Variants in ADRA1B observed in about 807,000 individuals in gnomAD.
ADRA1B encodes alpha-1B adrenergic receptor.
ADRA1B carries 17 observed loss-of-function variants against 17.9 expected under a neutral mutation model. The ratio of observed to expected loss-of-function variants is 0.95; its 90% CI spans 0.65 to 1.42. ADRA1B has a LOEUF of 1.42. Ranked by LOEUF, ADRA1B falls within the 40% of genes most tolerant of loss-of-function variation. The pLI, the probability that ADRA1B is intolerant of heterozygous loss-of-function variation, is 0.00. For missense variants in ADRA1B, 681 were observed against 722.1 expected, an observed-to-expected ratio of 0.94 and a Z score of 0.65; for synonymous variants, 366 against 327.6, an observed-to-expected ratio of 1.12 and a Z score of -1.27.
chr5:159,865,456 A>C (rs1753641691), intron 1 of ADRA1B, among the ~76,000 whole-genome samples: 1 of 152,138 alleles, frequency 6.6e-6, no homozygotes, highest in African/African-American at 2.4e-5. Flanking sequence ...GAAAAGCGTA[A>C]CTCGCATGGT....
At chr5:159,962,688 T>TTTTTA (rs1755693242) in intron 1 of ADRA1B, among the ~76,000 whole-genome samples, 1 of 124,110 alleles carries the variant, frequency 8.1e-6, no homozygotes, top group Admixed American at 8.1e-5. Context: ...TTTTTTTTTT[T>TTTTTA]GAGACAAGGT....
chr5:159,947,672 G>A, intron 1 of ADRA1B: 1 of 983,346 alleles, frequency 1.0e-6, no homozygotes, highest in Non-Finnish European at 1.2e-6. Flanking sequence ...ACCTGGCTAT[G>A]ACTTTGCTTC....
At chr5:159,955,724 A>G (rs1755539887) in intron 1 of ADRA1B, among the ~76,000 whole-genome samples, 1 of 152,110 alleles carries the variant, frequency 6.6e-6, no homozygotes, top group Non-Finnish European at 1.5e-5. Flanking sequence ...TCTACCTCTA[A>G]AAGCTGAACA....
intron 1 of ADRA1B, among the ~76,000 whole-genome samples, chr5:159,872,947 C>T (rs1295324908): frequency 6.6e-6 from 1 of 151,010 alleles, no homozygotes; most frequent in Non-Finnish European, 1.5e-5. Context: ...CCAAACAGGC[C>T]CCAGTGTGTG....
intron 1 of ADRA1B, among the ~76,000 whole-genome samples, chr5:159,945,374 A>G (rs1219950752): frequency 6.6e-6 from 1 of 152,196 alleles, no homozygotes; most frequent in African/African-American, 2.4e-5. Flanking sequence ...ATAAATAAAA[A>G]TAAGGAAAGA....
At chr5:159,910,811 G>A (rs1754219567) in intron 1 of ADRA1B, among the ~76,000 whole-genome samples, 1 of 152,192 alleles carries the variant, frequency 6.6e-6, no homozygotes, top group Admixed American at 6.5e-5. Context: ...CTGACTTGTG[G>A]CAGTGCAGCC....
chr5:159,885,261 G>C (rs979636586), intron 1 of ADRA1B, among the ~76,000 whole-genome samples: 1 of 152,164 alleles, frequency 6.6e-6, no homozygotes, highest in African/African-American at 2.4e-5. Context: ...ATTTTTGTCA[G>C]ATGCCTAGCC....
chr5:159,976,716 C>T (rs575484073), downstream of ADRA1B, among the ~76,000 whole-genome samples: 2 of 150,736 alleles, frequency 1.3e-5, no homozygotes, highest in Middle Eastern at 3.5e-3. Context: ...TCAGTCCAAA[C>T]TAAAAATAAC....
chr5:159,908,371 G>C (rs1475088882), intron 1 of ADRA1B, among the ~76,000 whole-genome samples: 2 of 152,148 alleles, frequency 1.3e-5, no homozygotes, highest in Non-Finnish European at 1.5e-5. Flanking sequence ...GTTGAAATTC[G>C]ATCCCCCAGT....
the ADRA1B span, among the ~76,000 whole-genome samples, chr5:159,984,664 G>A: frequency 3.9e-5 from 6 of 151,966 alleles, no homozygotes; most frequent in African/African-American, 7.2e-5. Flanking sequence ...TTGAGAGGCC[G>A]AGGTGGGTGG....
chr5:159,970,556 C>T (rs1227469899), intron 1 of ADRA1B, among the ~76,000 whole-genome samples: 2 of 152,178 alleles, frequency 1.3e-5, no homozygotes, highest in African/African-American at 4.8e-5. Flanking sequence ...TATATGAACC[C>T]TTATGGACTT....
intron 1 of ADRA1B, among the ~76,000 whole-genome samples, chr5:159,909,936 C>A (rs1251218634): frequency 6.6e-6 from 1 of 152,160 alleles, no homozygotes; most frequent in African/African-American, 2.4e-5. Flanking sequence ...ACAGCTGCAT[C>A]CACAGCTTGC....
intron 1 of ADRA1B, among the ~76,000 whole-genome samples, chr5:159,909,864 A>T (rs1367215230): frequency 6.6e-6 from 1 of 152,246 alleles, no homozygotes; most frequent in Non-Finnish European, 1.5e-5. Flanking sequence ...CCTGCCAAGG[A>T]CTTGGCACTT....
intron 1 of ADRA1B, among the ~76,000 whole-genome samples, chr5:159,896,516 T>C (rs1581023262): frequency 6.6e-6 from 1 of 152,276 alleles, no homozygotes; most frequent in Non-Finnish European, 1.5e-5. Flanking sequence ...CTGAGTCAAA[T>C]GAAAGGTGTG....
At chr5:159,964,418 T>C (rs1160399676) in intron 1 of ADRA1B, among the ~76,000 whole-genome samples, 1 of 152,218 alleles carries the variant, frequency 6.6e-6, no homozygotes, top group Non-Finnish European at 1.5e-5. Flanking sequence ...TCTTATTTTC[T>C]CCACCATGAT....
intron 1 of ADRA1B, among the ~76,000 whole-genome samples, chr5:159,923,864 A>G (rs1016602319): frequency 1.4e-4 from 21 of 152,384 alleles, no homozygotes; most frequent in South Asian, 8.3e-4. Flanking sequence ...CCAGCACCAC[A>G]CAAGTCCTCC....
chr5:159,957,929 C>CAAAAAAAAAAAAAAAAA (rs35956137), intron 1 of ADRA1B, among the ~76,000 whole-genome samples: 146 of 66,680 alleles, frequency 2.2e-3, no homozygotes, highest in African/African-American at 2.3e-3. Context: ...AACCCCATCT[C>CAAAAAAAAAAAAAAAAA]AAAAAAAAAA....
At chr5:159,935,332 A>G (rs1427852695) in intron 1 of ADRA1B, among the ~76,000 whole-genome samples, 5 of 152,180 alleles carry the variant, frequency 3.3e-5, no homozygotes, top group Non-Finnish European at 7.3e-5. Context: ...GATTTGTGAT[A>G]TTTCAGTCAT....
In ADRA1B at chr5:159,917,767, A is replaced by T. The variant is rs1236671520; in HGVS notation, c.862A>T (p.Arg288Trp). 1 of 1,614,014 alleles carries T rather than the reference A, an allele frequency of 6.2e-7. No homozygotes were observed. Among genetic ancestry groups the T allele is most frequent in the Non-Finnish European group, 8.5e-7 (1 of 1,180,042 alleles). The change falls in exon 1 of 2, where the codon AGG (arginine) becomes TGG (tryptophan). Residue 288 changes from arginine (R) to tryptophan (W), a missense_variant. Arg to Trp is a moderately radical substitution (Grantham distance 101). Coordinates refer to ENST00000306675, the MANE Select transcript of ADRA1B (RefSeq NM_000679.4). ...AGCTGTCAAACTTTTTAAGTTCTCC[A>T]GGGAAAAGAAAGCAGCTAAGACGTT... ...SIAVKLFKFS[R>W]EKKAAKTLGI...
Sources: allele counts gnomAD v4.1 joint callset (sites outside exome capture counted in the v4.1 genomes callset), GRCh38; gene constraint gnomAD v4.1.1; transcripts MANE v1.5; gene names NCBI Gene and HGNC (gene_info 2026-07-23, HGNC 2026-07-21).